The following NPNT variants were observed in gnomAD, a reference collection of about 807,000 sequenced individuals.
NPNT encodes the protein nephronectin, also known as preosteoblast EGF-like repeat protein with MAM domain.
In NPNT, 45 loss-of-function variants were observed where a neutral mutation model predicts 68.6. That is an observed-to-expected ratio of 0.66 (90% CI 0.52 to 0.84). The LOEUF is 0.84. Ranked by LOEUF, NPNT falls within the 40% of genes least tolerant of loss-of-function variation. The probability of loss-of-function intolerance (pLI) is 0.00; values close to 1 mark genes in which losing one functional copy is unlikely to be tolerated. For missense variants in NPNT, 672 were observed against 714.8 expected (o/e 0.94, Z 0.68); for synonymous variants, 233 against 253.3 (o/e 0.92, Z 0.76).
chr4:105,946,563 G>A (rs1048045305), intron 8 of NPNT, among the ~76,000 whole-genome samples: 1 of 152,128 alleles, frequency 6.6e-6, no homozygotes, highest in Non-Finnish European at 1.5e-5. Context: ...GGTCTACGGG[G>A]ATGACATCAC....
Position 105,898,092 on chromosome 4 carries a change from A to G in NPNT, c.172+91A>G. 5 of 854,516 alleles carry G rather than the reference A, an allele frequency of 5.9e-6. No individual in the cohort carries two copies. In the South Asian group the frequency reaches 8.8e-5, roughly 15 times the overall value. The allele number at this position is 854,516 out of a possible 1,614,324, so 52.9% of individuals were successfully genotyped here. A position where few individuals can be genotyped will look rare whatever the true frequency, so the allele number is the denominator to read the frequency against. On this transcript the variant is annotated intron_variant, in intron 2 of 11. Coordinates refer to ENST00000379987, the MANE Select transcript of NPNT (RefSeq NM_001033047.3). ...CACCCCACATATCAGAGGGTTCATT[A>G]CTGAGCAAGGCTTGGCCTTGCAGGT...
rs1322559416 is a variant in NPNT, at chr4:105,927,447, A to G, written c.265+19A>G. 6.8e-7 allele frequency: 1 copy of G among 1,461,004 alleles called. No homozygotes were observed. Among genetic ancestry groups the G allele is most frequent in the African/African-American group, 1.4e-5 (1 of 71,978 alleles). 90.5% of individuals were successfully genotyped at this position (1,461,004 alleles called of 1,614,324 possible). On this transcript the variant is annotated intron_variant, in intron 3 of 11. Coordinates refer to ENST00000379987, the MANE Select transcript of NPNT (RefSeq NM_001033047.3). Reference sequence around the variant, plus strand: ...AATCAAGGTAGGAAAACAGTCTGACATAAATACACAATCGAAGACACCTCT... The same window carrying G: ...AATCAAGGTAGGAAAACAGTCTGACGTAAATACACAATCGAAGACACCTCT...
At chr4:105,964,216 A>C (rs1731947423) in intron 10 of NPNT, among the ~76,000 whole-genome samples, 1 of 152,222 alleles carries the variant, frequency 6.6e-6, no homozygotes, top group African/African-American at 2.4e-5. Flanking sequence ...CAGTACATAC[A>C]GAACACCCTC....
Position 105,938,384 on chromosome 4 carries a change from G to A in NPNT, c.469G>A (p.Gly157Ser), listed in dbSNP as rs775325362. 3.1e-6 allele frequency: 5 copies of A among 1,613,608 alleles called. No homozygotes were observed. The African/African-American group carries it at 6.7e-5, about 22-fold the overall frequency. Residue 157 changes from glycine (G) to serine (S), a missense_variant, in exon 5 of 12, where the codon GGC becomes AGC. Transcript: ENST00000379987. The stretch of plus-strand genomic sequence containing the variant: ...AATACGGTGCCAGTGCCCATCCCCT[G>A]GCCTGCAGCTGGCTCCTGATGGGAG... ...GQIRCQCPSPGLQLAPDGRTC... is the reference protein window; with the variant it reads ...GQIRCQCPSPSLQLAPDGRTC...
chr4:105,902,614 C>A (rs1315504722), intron 2 of NPNT: 1 of 152,098 alleles, frequency 6.6e-6, no homozygotes, highest in Non-Finnish European at 1.5e-5. Flanking sequence ...TGATTACTTG[C>A]AACATTAAAC....
rs1275102532 is a variant in NPNT at position 105,938,291 on chromosome 4, C to G, written c.386-10C>G. 1.2e-6 allele frequency: 2 copies of G among 1,611,130 alleles called. No individual in the cohort carries two copies. Among genetic ancestry groups the G allele is most frequent in the African/African-American group, 1.3e-5 (1 of 74,760 alleles). On this transcript the variant is annotated splice_polypyrimidine_tract_variant and intron_variant, in intron 4 of 11. Coordinates refer to ENST00000379987, the MANE Select transcript of NPNT (RefSeq NM_001033047.3). ...TACCTGTCTGAGTCAGCCAGTCACTCTCTTTCCAGGTGCCCTGACCTGCTC... is the reference window on the plus strand; with the variant it reads ...TACCTGTCTGAGTCAGCCAGTCACTGTCTTTCCAGGTGCCCTGACCTGCTC...
At chr4:105,896,346 C>A (rs910979227) in intron 1 of NPNT, among the ~76,000 whole-genome samples, 1 of 152,082 alleles carries the variant, frequency 6.6e-6, no homozygotes, top group African/African-American at 2.4e-5. Flanking sequence ...CACACTGCGC[C>A]GCTCCTCAGA....
chr4:105,943,219 A>G (rs1462473324), intron 8 of NPNT, among the ~76,000 whole-genome samples: 1 of 152,220 alleles, frequency 6.6e-6, no homozygotes, highest in Non-Finnish European at 1.5e-5. Flanking sequence ...GTAGGACACT[A>G]TGAGAGGAGA....
intron 3 of NPNT, among the ~76,000 whole-genome samples, chr4:105,931,350 T>A (rs1729088208): frequency 6.6e-6 from 1 of 152,046 alleles, no homozygotes. Context: ...TTTAGCATGG[T>A]TTATGTTTCA....
chr4:105,900,494 T>C (rs1483658723), intron 2 of NPNT, among the ~76,000 whole-genome samples: 1 of 152,240 alleles, frequency 6.6e-6, no homozygotes, highest in African/African-American at 2.4e-5. Flanking sequence ...GTACAAAACA[T>C]GCTGCCCTTC....
chr4:105,970,401 T>G lies in NPNT; in HGVS notation c.*1411T>G, dbSNP rs1355595140. On this transcript the variant is annotated 3_prime_UTR_variant, in exon 12 of 12. Transcript: ENST00000379987. Reference sequence around the variant, plus strand: ...TTTTGCCAGGAATCACAAAGATGATTAAAGGGTTGGAAAAAAAGATCTATG... The same window carrying G: ...TTTTGCCAGGAATCACAAAGATGATGAAAGGGTTGGAAAAAAAGATCTATG... 1 of 701,002 alleles carries G rather than the reference T, an allele frequency of 1.4e-6. No homozygotes were observed. Among genetic ancestry groups the G allele is most frequent in the Non-Finnish European group, 2.6e-6 (1 of 383,992 alleles). 43.4% of individuals were successfully genotyped at this position (701,002 alleles called of 1,614,324 possible).
intron 7 of NPNT, among the ~76,000 whole-genome samples, chr4:105,940,921 G>A (rs1578648516): frequency 6.6e-6 from 1 of 152,066 alleles, no homozygotes; most frequent in African/African-American, 2.4e-5. Flanking sequence ...TCCTCCCTGA[G>A]AATTTGCTTT....
chr4:105,960,644 C>T (rs1051165857), intron 10 of NPNT, among the ~76,000 whole-genome samples: 9 of 152,150 alleles, frequency 5.9e-5, no homozygotes, highest in African/African-American at 2.2e-4. Context: ...GCCTCACACA[C>T]AGTACTCTCA....
intron 10 of NPNT, among the ~76,000 whole-genome samples, chr4:105,959,773 G>C (rs1731549077): frequency 6.7e-6 from 1 of 149,742 alleles, no homozygotes; most frequent in Non-Finnish European, 1.5e-5. Flanking sequence ...TTTTCTTCTA[G>C]ATTCAAGATA....
At chr4:105,943,177 C>A (rs1452194269) in intron 8 of NPNT, among the ~76,000 whole-genome samples, 6 of 151,994 alleles carry the variant, frequency 3.9e-5, no homozygotes, top group South Asian at 2.1e-4. Flanking sequence ...TCAGAAGATA[C>A]CAGTGGTAGT....
chr4:105,912,573 T>C, intron 2 of NPNT: 6 of 996,344 alleles, frequency 6.0e-6, no homozygotes, highest in Non-Finnish European at 7.2e-6. Flanking sequence ...GTCCACCAAA[T>C]GAAATTACTA....
chr4:105,967,379 G>A lies in NPNT; in HGVS notation c.1537G>A (p.Gly513Arg), dbSNP rs551106994. 6.8e-6 allele frequency: 11 copies of A among 1,606,062 alleles called. No individual in the cohort carries two copies. In the African/African-American group the frequency reaches 1.2e-4, roughly 18 times the overall value. Residue 513 changes from glycine to arginine, a missense_variant, in exon 11 of 12, where the codon GGA (glycine) becomes AGA (arginine). Transcript: ENST00000379987. The stretch of plus-strand genomic sequence containing the variant: ...CGGTGCCCACGGAGCAGCCCTGTGG[G>A]GAAGAAATGGTGGCCATGGCTGGAG... Reference protein sequence around the residue: ...KHGAHGAALWGRNGGHGWRQT... With the variant: ...KHGAHGAALWRRNGGHGWRQT...
At chr4:105,920,211 T>C (rs1310791025) in intron 2 of NPNT, among the ~76,000 whole-genome samples, 1 of 151,890 alleles carries the variant, frequency 6.6e-6, no homozygotes, top group African/African-American at 2.4e-5. Context: ...TCTATTCTTT[T>C]CACATGTCTC....
chr4:105,917,467 T>C (rs1013805524), intron 2 of NPNT, among the ~76,000 whole-genome samples: 2 of 152,222 alleles, frequency 1.3e-5, no homozygotes, highest in African/African-American at 4.8e-5. Flanking sequence ...GTCAGGAGAC[T>C]GTACACTACA....
Sources: allele counts gnomAD v4.1 joint callset (sites outside exome capture counted in the v4.1 genomes callset), GRCh38; gene constraint gnomAD v4.1.1; transcripts MANE v1.5; gene names NCBI Gene and HGNC (gene_info 2026-07-23, HGNC 2026-07-21).